ROBO1: variants seen among roughly 807,000 people sequenced by gnomAD.
ROBO1 encodes roundabout homolog 1.
Under a neutral mutation model 195.9 loss-of-function variants are expected in ROBO1, and 149 were observed. That is an observed-to-expected ratio of 0.76 (90% CI 0.67 to 0.87). ROBO1 has a LOEUF of 0.87. Ranked by LOEUF, ROBO1 falls within the 40% of genes least tolerant of loss-of-function variation. The pLI is 0.00. For missense variants in ROBO1, 1,933 were observed against 2,068.3 expected (o/e 0.93, Z 1.27); for synonymous variants, 816 against 733.2 (o/e 1.11, Z -1.82).
chr3:79,214,624 A>C (rs954692256), intron 2 of ROBO1, among the ~76,000 whole-genome samples: 1 of 151,890 alleles, frequency 6.6e-6, no homozygotes, highest in Non-Finnish European at 1.5e-5. Flanking sequence ...CAAAAAACAA[A>C]AACACTTAGG....
chr3:78,892,757 A>C lies in ROBO1; in HGVS notation c.499+45844T>G, dbSNP rs181929433. On this transcript the variant is annotated intron_variant, in intron 4 of 30. Transcript: ENST00000464233. ...TTAGTTCTCTTAATTTTTATGCCTA[A>C]AGGGTCAATCTAGATATATCAAGCC... 3.6e-3 allele frequency among the ~76,000 whole-genome samples: 547 copies of C among 152,288 alleles called. 3 individuals carry two copies. Among genetic ancestry groups the C allele is most frequent in the Non-Finnish European group, 6.0e-3 (406 of 68,026 alleles).
At chr3:78,681,618 G>C (rs2080911490) in intron 10 of ROBO1, among the ~76,000 whole-genome samples, 1 of 152,138 alleles carries the variant, frequency 6.6e-6, no homozygotes, top group Non-Finnish European at 1.5e-5. Context: ...TTAAGACGGA[G>C]AAGCAGCCAG....
intron 2 of ROBO1, among the ~76,000 whole-genome samples, chr3:79,407,370 C>T (rs544772834): frequency 2.0e-5 from 3 of 152,002 alleles, no homozygotes; most frequent in Admixed American, 6.6e-5. Flanking sequence ...CCTTATTTCC[C>T]GATAATATAA....
At chr3:79,483,880 T>C (rs775816611) in intron 2 of ROBO1, among the ~76,000 whole-genome samples, 5 of 151,908 alleles carry the variant, frequency 3.3e-5, no homozygotes, top group Non-Finnish European at 7.4e-5. Context: ...GAGCAGTTCA[T>C]GCAGAAGGAG....
intron 2 of ROBO1, among the ~76,000 whole-genome samples, chr3:79,360,023 T>C (rs1055238035): frequency 2.6e-5 from 4 of 152,024 alleles, no homozygotes; most frequent in African/African-American, 9.7e-5. Flanking sequence ...GAATACACTT[T>C]GGACTCTATT....
intron 3 of ROBO1, among the ~76,000 whole-genome samples, chr3:78,961,865 T>C (rs974931035): frequency 1.3e-5 from 2 of 152,096 alleles, no homozygotes; most frequent in Non-Finnish European, 2.9e-5. Flanking sequence ...TATGTGGTAG[T>C]TGGGAGGAGA....
intron 2 of ROBO1, among the ~76,000 whole-genome samples, chr3:79,486,778 G>C (rs1316576670): frequency 6.6e-6 from 1 of 152,042 alleles, no homozygotes; most frequent in Admixed American, 6.6e-5. Context: ...TTGAGCTGAA[G>C]GCAAATAAAA....
chr3:79,559,713 T>C (rs1942836987), intron 2 of ROBO1, among the ~76,000 whole-genome samples: 1 of 152,092 alleles, frequency 6.6e-6, no homozygotes, highest in African/African-American at 2.4e-5. Flanking sequence ...GGTCAGGATT[T>C]CGAGACCAGC....
intron 10 of ROBO1, among the ~76,000 whole-genome samples, chr3:78,672,790 C>CA (rs2107729652): frequency 6.6e-6 from 1 of 152,188 alleles, no homozygotes; most frequent in South Asian, 2.1e-4. Flanking sequence ...ACCTTATATT[C>CA]AGGTCTAGGA....
At chr3:78,750,610 G>A (rs545595420) in intron 4 of ROBO1, among the ~76,000 whole-genome samples, 2 of 151,832 alleles carry the variant, frequency 1.3e-5, no homozygotes, top group African/African-American at 4.8e-5. Flanking sequence ...AAGTAAACAC[G>A]TTTTCAGAAA....
At chr3:79,065,089 C>T (rs777165177) in intron 3 of ROBO1, among the ~76,000 whole-genome samples, 7 of 151,818 alleles carry the variant, frequency 4.6e-5, no homozygotes, top group Non-Finnish European at 8.8e-5. Context: ...CTGCTTTTCC[C>T]GATGGGACAA....
intron 9 of ROBO1, 60 bp downstream of exon 9, chr3:78,688,588 C>T: frequency 2.0e-6 from 3 of 1,477,548 alleles, no homozygotes; most frequent in Middle Eastern, 1.8e-4. Context: ...TTTTTCTTCT[C>T]ATACATCTTG....
intron 2 of ROBO1, among the ~76,000 whole-genome samples, chr3:79,332,882 G>T (rs936419000): frequency 2.0e-5 from 3 of 152,162 alleles, no homozygotes; most frequent in Non-Finnish European, 4.4e-5. Flanking sequence ...ACTAGTGAAA[G>T]AAGTCAGAAA....
In ROBO1 at chr3:78,651,751, G is replaced by A. The variant is rs6795556; in HGVS notation, c.2793C>T (p.Thr931=). Residue 931 remains threonine, a synonymous_variant, in exon 19 of 31, where the codon ACC becomes ACT. Transcript: ENST00000464233. ...HRKKRNGLTS[T]YAGIRKVPSF... ...TAATACCTTTTCTGATACCCGCGTA[G>A]GTACTAGTAAGTCCGTTTCTCTTCT... is the stretch of plus-strand genomic sequence containing the variant. 19 of 1,608,874 alleles carry A rather than the reference G, an allele frequency of 1.2e-5. No homozygotes were observed. In the African/African-American group the frequency reaches 1.9e-4, roughly 16 times the overall value.
chr3:79,589,410 C>T lies in ROBO1; in HGVS notation c.88+414G>A, dbSNP rs181410071. On this transcript the variant is annotated intron_variant, in intron 2 of 30. Coordinates refer to ENST00000464233, the MANE Select transcript of ROBO1 (RefSeq NM_002941.4). ...CAGCCTGTTAATTAACATGTTACTA[C>T]GCTAAGAAATGTCAGTTTTCAATGT... is the stretch of plus-strand genomic sequence containing the variant. Among the ~76,000 whole-genome samples the T allele has an allele frequency of 2.7e-4, 41 of 151,778 alleles. No homozygotes were observed. In the East Asian group the frequency reaches 2.7e-3, roughly 10 times the overall value.
chr3:79,695,809 G>C (rs936703262), intron 1 of ROBO1, among the ~76,000 whole-genome samples: 1 of 150,956 alleles, frequency 6.6e-6, no homozygotes, highest in Non-Finnish European at 1.5e-5. Context: ...TAAACTACTG[G>C]GAATATAAAA....
intron 1 of ROBO1, among the ~76,000 whole-genome samples, chr3:79,761,915 G>A (rs914913474): frequency 6.6e-6 from 1 of 152,128 alleles, no homozygotes; most frequent in African/African-American, 2.4e-5. Flanking sequence ...TTAATATGTG[G>A]ACTCAAGTGC....
chr3:78,669,432 T>C (rs1358269896), intron 11 of ROBO1, among the ~76,000 whole-genome samples: 1 of 152,160 alleles, frequency 6.6e-6, no homozygotes, highest in African/African-American at 2.4e-5. Context: ...GAAATTCATG[T>C]TTATTGCTGT....
At chr3:79,363,186 G>A (rs748878610) in intron 2 of ROBO1, among the ~76,000 whole-genome samples, 1 of 152,170 alleles carries the variant, frequency 6.6e-6, no homozygotes, top group Non-Finnish European at 1.5e-5. Flanking sequence ...CAGACACAAA[G>A]CTTCTCTTGC....
Sources: allele counts gnomAD v4.1 joint callset (sites outside exome capture counted in the v4.1 genomes callset), GRCh38; gene constraint gnomAD v4.1.1; transcripts MANE v1.5; gene names NCBI Gene and HGNC (gene_info 2026-07-23, HGNC 2026-07-21).